RARB: variants seen among roughly 807,000 people sequenced by gnomAD.
RARB encodes retinoic acid receptor beta.
A neutral mutation model predicts 51.9 loss-of-function variants in RARB; 17 were observed. The ratio of observed to expected loss-of-function variants is 0.33; its 90% CI spans 0.22 to 0.49. The LOEUF (loss-of-function observed/expected upper bound fraction) is 0.49, where lower values mean the gene tolerates loss of function less well. Ranked by LOEUF, RARB falls within the 20% of genes least tolerant of loss-of-function variation. The probability of loss-of-function intolerance (pLI) is 0.99; values close to 1 mark genes in which losing one functional copy is unlikely to be tolerated. For synonymous variants in RARB, 215 were observed against 195.4 expected (o/e 1.10, Z -0.84); for missense variants, 369 against 550.8 (o/e 0.67, Z 3.30).
intron 5 of RARB, among the ~76,000 whole-genome samples, chr3:25,419,555 G>A (rs1352039043): frequency 6.6e-6 from 1 of 152,152 alleles, no homozygotes; most frequent in East Asian, 1.9e-4. Context: ...GTGCCTTTGT[G>A]TTCACCAAGT....
At chr3:24,913,059 C>T (rs1389039396) in intron 2 of RARB, among the ~76,000 whole-genome samples, 1 of 142,482 alleles carries the variant, frequency 7.0e-6, no homozygotes, top group Non-Finnish European at 1.5e-5. Context: ...CGGCTCACTG[C>T]AAGCTCCGCC....
intron 2 of RARB, among the ~76,000 whole-genome samples, chr3:25,481,358 G>A (rs1408856070): frequency 3.3e-5 from 5 of 152,128 alleles, no homozygotes; most frequent in Non-Finnish European, 2.9e-5. Flanking sequence ...TGCCTTAAAT[G>A]CCAGGAAGAA....
chr3:25,020,244 A>T (rs1233109414), intron 2 of RARB: 1 of 151,914 alleles, frequency 6.6e-6, no homozygotes, highest in Non-Finnish European at 1.5e-5. Context: ...TGATCAGCAC[A>T]TGAGTTTTGA....
chr3:25,406,191 C>G (rs1258357629), intron 5 of RARB, among the ~76,000 whole-genome samples: 1 of 152,172 alleles, frequency 6.6e-6, no homozygotes, highest in East Asian at 1.9e-4. Flanking sequence ...GATATACATA[C>G]CCACCTTTTG....
At chr3:25,214,655 G>A (rs1162942599) in intron 5 of RARB, among the ~76,000 whole-genome samples, 1 of 152,154 alleles carries the variant, frequency 6.6e-6, no homozygotes. Flanking sequence ...GCACTTGGGT[G>A]GAGCTGGCTC....
At position 25,577,869 on chromosome 3, in the gene RARB, A is replaced by G. The variant is rs951276091; in HGVS notation, c.610-2677A>G. 5.1e-5 allele frequency among the ~76,000 whole-genome samples: 3 copies of G among 58,808 alleles called. No homozygotes were observed. The East Asian group carries it at 1.8e-3, about 35-fold the overall frequency. 38.6% of individuals were successfully genotyped at this position (58,808 alleles called of 152,430 possible). On this transcript the variant is annotated intron_variant, in intron 4 of 7. Coordinates refer to ENST00000330688, the MANE Select transcript of RARB (RefSeq NM_000965.5). Reference sequence around the variant, plus strand: ...TGGGGGGCCATGGGCGCGACCCTCCATATATGGGCCACCACGCGGCATCCT... The same window carrying G: ...TGGGGGGCCATGGGCGCGACCCTCCGTATATGGGCCACCACGCGGCATCCT...
At chr3:25,044,375 C>T (rs991902274) in intron 2 of RARB, among the ~76,000 whole-genome samples, 1 of 152,078 alleles carries the variant, frequency 6.6e-6, no homozygotes, top group Admixed American at 6.6e-5. Flanking sequence ...GTATCTTCAG[C>T]GCCTAGCACT....
At chr3:24,833,526 C>G (rs529275094) in intron 1 of RARB, among the ~76,000 whole-genome samples, 96 of 152,316 alleles carry the variant, frequency 6.3e-4, no homozygotes, top group African/African-American at 2.2e-3. Flanking sequence ...GCTTCAGCAA[C>G]ATCTATTCAA....
chr3:25,589,627 G>A (rs1298793575), intron 5 of RARB, among the ~76,000 whole-genome samples: 1 of 152,140 alleles, frequency 6.6e-6, no homozygotes, highest in Non-Finnish European at 1.5e-5. Context: ...ATTAACAAGT[G>A]GGCCTCCCCC....
chr3:25,163,331 C>G (rs1237274736), intron 4 of RARB, among the ~76,000 whole-genome samples: 3 of 151,752 alleles, frequency 2.0e-5, no homozygotes, highest in African/African-American at 7.3e-5. Flanking sequence ...TAGGGAAACC[C>G]TGTCTCTACA....
At chr3:25,391,765 A>C (rs1706966594) in intron 5 of RARB, among the ~76,000 whole-genome samples, 1 of 151,542 alleles carries the variant, frequency 6.6e-6, no homozygotes, top group South Asian at 2.1e-4. Context: ...GATTTGTTTG[A>C]GTTCTTTGTA....
intron 5 of RARB, among the ~76,000 whole-genome samples, chr3:25,396,580 G>A (rs182806629): frequency 1.3e-5 from 2 of 152,258 alleles, no homozygotes; most frequent in East Asian, 1.9e-4. Context: ...AAGTTAGTAG[G>A]TAGGGCCACA....
intron 2 of RARB, among the ~76,000 whole-genome samples, chr3:25,046,447 A>T (rs961561446): frequency 1.3e-5 from 2 of 152,038 alleles, no homozygotes; most frequent in Non-Finnish European, 2.9e-5. Flanking sequence ...TGGGGTATAA[A>T]AAATATTATA....
chr3:25,162,447 A>G (rs951409787), intron 4 of RARB, among the ~76,000 whole-genome samples: 10 of 152,132 alleles, frequency 6.6e-5, no homozygotes, highest in African/African-American at 2.4e-4. Flanking sequence ...AAACAACAAC[A>G]TTCACCATTT....
intron 2 of RARB, among the ~76,000 whole-genome samples, chr3:24,865,191 A>G (rs1302949596): frequency 6.6e-6 from 1 of 152,170 alleles, no homozygotes; most frequent in Non-Finnish European, 1.5e-5. Flanking sequence ...TGCATGAACT[A>G]TAGGAGTCCC....
In RARB at chr3:25,372,450, A is replaced by G. The variant is rs535710240; in HGVS notation, c.179-88743A>G. 1.4e-4 allele frequency among the ~76,000 whole-genome samples: 22 copies of G among 152,336 alleles called. No homozygotes were observed. In the South Asian group the frequency reaches 4.4e-3, roughly 30 times the overall value. On this transcript the variant is annotated intron_variant, in intron 5 of 11. Coordinates refer to the RARB transcript ENST00000383772. Reference sequence around the variant, plus strand: ...TCAAGGAGAAATTTTTGCAGGAGACATAATAGTGAAAGCCAAAAGACCAGT... The same window carrying G: ...TCAAGGAGAAATTTTTGCAGGAGACGTAATAGTGAAAGCCAAAAGACCAGT...
chr3:24,913,407 T>G (rs1218270266), intron 2 of RARB, among the ~76,000 whole-genome samples: 1 of 147,964 alleles, frequency 6.8e-6, no homozygotes, highest in Non-Finnish European at 1.5e-5. Context: ...TCTCTCTTTT[T>G]TTTTTTTTTT....
intron 2 of RARB, among the ~76,000 whole-genome samples, chr3:24,887,798 C>T (rs994380642): frequency 6.6e-6 from 1 of 152,324 alleles, no homozygotes; most frequent in Non-Finnish European, 1.5e-5. Context: ...TACTGACTTG[C>T]AGCAGCTCTG....
Position 25,461,173 on chromosome 3 carries a change from C to T in RARB, c.158-20C>T, listed in dbSNP as rs1165484341. On this transcript the variant is annotated intron_variant, in intron 1 of 7. Coordinates refer to ENST00000330688, the MANE Select transcript of RARB (RefSeq NM_000965.5). ...AATACATTTTCTCTTTTTTCTCCCTCTACCCCATCTCTATTATAGCAATTG... is the reference window on the plus strand; with the variant it reads ...AATACATTTTCTCTTTTTTCTCCCTTTACCCCATCTCTATTATAGCAATTG... 1.3e-6 allele frequency: 2 copies of T among 1,550,088 alleles called. No homozygotes were observed. Among genetic ancestry groups the T allele is most frequent in the Admixed American group, 2.1e-5 (1 of 47,990 alleles).
Sources: gnomAD v4.1 joint callset for allele counts (sites outside exome capture counted in the v4.1 genomes callset) on GRCh38, gnomAD v4.1.1 for gene constraint, MANE v1.5 for transcripts, NCBI Gene and HGNC (gene_info 2026-07-23, HGNC 2026-07-21) for gene names.